Variants in EYS observed in about 807,000 individuals in gnomAD.
EYS encodes EGF-like photoreceptor maintenance factor.
EYS carries 250 observed loss-of-function variants against 282.1 expected under a neutral mutation model. The ratio of observed to expected loss-of-function variants is 0.89; its 90% CI spans 0.80 to 0.98. The LOEUF (loss-of-function observed/expected upper bound fraction) is 0.98, where lower values mean the gene tolerates loss of function less well. EYS is among the 50% of genes least tolerant of loss of function. The pLI is 0.00. For synonymous variants in EYS, 1,355 were observed against 1,282.9 expected (o/e 1.06, Z -1.20); for missense variants, 4,016 against 3,709.0 (o/e 1.08, Z -2.15).
At position 64,468,967 on chromosome 6, in the gene EYS, T is replaced by C. The variant is rs1366985350; in HGVS notation, c.5645-29615A>G. 3.9e-5 allele frequency among the ~76,000 whole-genome samples: 6 copies of C among 152,188 alleles called. No homozygotes were observed. The East Asian group carries it at 9.6e-4, about 24-fold the overall frequency. ...TGACTAGTGCTGCAGTGAACACACA[T>C]GTGCATGTGTCTTTTTGGTAGGATG... On this transcript the variant is annotated intron_variant, in intron 26 of 42. Coordinates refer to ENST00000503581, the MANE Select transcript of EYS (RefSeq NM_001142800.2).
chr6:64,303,840 CAAAAAAA>C (rs149728709), intron 30 of EYS, among the ~76,000 whole-genome samples: 1 of 78,238 alleles, frequency 1.3e-5, no homozygotes, highest in African/African-American at 5.2e-5. Flanking sequence ...AACTCCGTCT[CAAAAAAA>C]AAAAAAAAAA....
chr6:64,025,161 G>A (rs1031391996), intron 33 of EYS, among the ~76,000 whole-genome samples: 10 of 152,096 alleles, frequency 6.6e-5, no homozygotes, highest in African/African-American at 1.9e-4. Context: ...CAACTAGTGC[G>A]GCTGCCGGAC....
chr6:64,610,404 ATTTTT>A (rs10536697), intron 24 of EYS, among the ~76,000 whole-genome samples: 22 of 100,166 alleles, frequency 2.2e-4, no homozygotes, highest in African/African-American at 5.3e-4. Flanking sequence ...TGTTGTAAGA[ATTTTT>A]TTTTTTTTTT....
chr6:64,430,141 T>C (rs182921483), intron 28 of EYS, among the ~76,000 whole-genome samples: 195 of 152,304 alleles, frequency 1.3e-3, no homozygotes, highest in African/African-American at 4.5e-3. Flanking sequence ...CCAAATGAAG[T>C]GCAAAACTTG....
chr6:64,893,999 G>A (rs544255027), intron 18 of EYS, among the ~76,000 whole-genome samples: 19 of 152,018 alleles, frequency 1.2e-4, no homozygotes, highest in African/African-American at 4.6e-4. Context: ...AAGATGCTAT[G>A]TATTTTTCAA....
intron 2 of EYS, among the ~76,000 whole-genome samples, chr6:65,627,902 G>A (rs1005070561): frequency 1.3e-5 from 2 of 152,216 alleles, no homozygotes; most frequent in African/African-American, 4.8e-5. Context: ...CAGTCCCATC[G>A]ACCACCCAAG....
chr6:65,311,497 T>A (rs1425946032), intron 11 of EYS, among the ~76,000 whole-genome samples: 1 of 152,208 alleles, frequency 6.6e-6, no homozygotes. Flanking sequence ...TTCCCAATAA[T>A]GCTGCCTATT....
chr6:64,910,061 G>T (rs527505453), intron 16 of EYS, among the ~76,000 whole-genome samples: 8 of 152,050 alleles, frequency 5.3e-5, no homozygotes, highest in Non-Finnish European at 1.0e-4. Context: ...TTAGCCTAAA[G>T]CCTTAAATTT....
intron 12 of EYS, among the ~76,000 whole-genome samples, chr6:65,086,607 CA>C (rs1273488362): frequency 1.3e-5 from 2 of 152,054 alleles, no homozygotes; most frequent in African/African-American, 2.4e-5. Flanking sequence ...AAGAAAACAT[CA>C]TTTATATAGA....
At chr6:65,135,211 T>C (rs1775990197) in intron 12 of EYS, among the ~76,000 whole-genome samples, 1 of 152,084 alleles carries the variant, frequency 6.6e-6, no homozygotes, top group South Asian at 2.1e-4. Flanking sequence ...TTTGCAACGG[T>C]TGGAAGAGTA....
intron 12 of EYS, among the ~76,000 whole-genome samples, chr6:65,143,923 T>C (rs1764411469): frequency 6.6e-6 from 1 of 152,104 alleles, no homozygotes; most frequent in African/African-American, 2.4e-5. Context: ...AATTCTTTTC[T>C]TCCTTTTTTT....
intron 5 of EYS, among the ~76,000 whole-genome samples, chr6:65,442,381 T>C (rs1768365524): frequency 6.6e-6 from 1 of 152,078 alleles, no homozygotes; most frequent in African/African-American, 2.4e-5. Context: ...GTTTAAGAAC[T>C]TAGAAATTTT....
chr6:64,859,614 T>C (rs1157200431), intron 19 of EYS, among the ~76,000 whole-genome samples: 1 of 152,150 alleles, frequency 6.6e-6, no homozygotes, highest in Non-Finnish European at 1.5e-5. Context: ...GATCTGATCA[T>C]TTTAAAGAGG....
chr6:65,552,516 C>T (rs981086457), intron 2 of EYS, among the ~76,000 whole-genome samples: 2 of 151,752 alleles, frequency 1.3e-5, no homozygotes, highest in Non-Finnish European at 2.9e-5. Flanking sequence ...TCAAATATTG[C>T]ACAAACTACC....
chr6:64,958,606 G>A (rs1769801796), intron 14 of EYS, among the ~76,000 whole-genome samples: 1 of 150,098 alleles, frequency 6.7e-6, no homozygotes, highest in Non-Finnish European at 1.5e-5. Flanking sequence ...GCAGTGGCGG[G>A]CGCCTGTAGT....
At position 64,958,660 on chromosome 6, in the gene EYS, G is replaced by A. The variant is rs564600192; in HGVS notation, c.2260-12746C>T. On this transcript the variant is annotated intron_variant, in intron 14 of 42. Transcript: ENST00000503581. ...TGAGGCAGGAGGATGGTGTGAACCC[G>A]GAAGGCGGAGCTTGCAGTGAGCGGA... Among the ~76,000 whole-genome samples the A allele has an allele frequency of 5.1e-3, 716 of 139,742 alleles. 7 individuals are homozygous for A. Among genetic ancestry groups the A allele is most frequent in the Non-Finnish European group, 5.4e-3 (357 of 65,590 alleles). 91.7% of individuals were successfully genotyped at this position (139,742 alleles called of 152,430 possible). A position where few individuals can be genotyped will look rare whatever the true frequency, so the allele number is the denominator to read the frequency against.
chr6:63,918,727 G>T (rs577628933), intron 35 of EYS, among the ~76,000 whole-genome samples: 1 of 152,114 alleles, frequency 6.6e-6, no homozygotes, highest in Non-Finnish European at 1.5e-5. Context: ...TATCATTTCC[G>T]TCGAAACAAG....
chr6:64,228,642 A>C (rs1279262719), intron 31 of EYS, among the ~76,000 whole-genome samples: 1 of 152,166 alleles, frequency 6.6e-6, no homozygotes, highest in Non-Finnish European at 1.5e-5. Context: ...AAATAGTTAA[A>C]AACTTAAGAA....
chr6:64,161,125 C>T (rs1324839586), intron 31 of EYS, among the ~76,000 whole-genome samples: 1 of 152,054 alleles, frequency 6.6e-6, no homozygotes, highest in Non-Finnish European at 1.5e-5. Flanking sequence ...CAATATTTTC[C>T]CCATCCCTTA....
Sources: allele counts gnomAD v4.1 joint callset (sites outside exome capture counted in the v4.1 genomes callset), GRCh38; gene constraint gnomAD v4.1.1; transcripts MANE v1.5; gene names NCBI Gene and HGNC (gene_info 2026-07-23, HGNC 2026-07-21).